PGK1: variants seen among roughly 807,000 people sequenced by gnomAD.
PGK1 encodes phosphoglycerate kinase 1, also known as PRP 2.
A neutral mutation model predicts 26.9 loss-of-function variants in PGK1; 3 were observed. The observed-to-expected ratio is 0.11, with a 90% confidence interval of 0.05 to 0.29. The LOEUF (loss-of-function observed/expected upper bound fraction) is 0.29. Among genes scored for constraint, PGK1 ranks in the 10% least tolerant of loss-of-function variants. PGK1 has a pLI of 1.00. For missense variants in PGK1, 270 were observed against 314.7 expected (o/e 0.86, Z 1.07); for synonymous variants, 125 against 115.3 (o/e 1.08, Z -0.54).
At position 78,104,384 on chromosome X, in the gene PGK1, A is replaced by G. The variant is rs2078257877; in HGVS notation, c.44A>G (p.Lys15Arg). ...CTGACGCTGGACAAGCTGGACGTTA[A>G]AGGGAAGCGGGTCGTTATGAGGTAA... ...NKLTLDKLDV[K>R]GKRVVMRVDF... is the part of the protein sequence containing the mutation. Residue 15 changes from lysine to arginine, a missense_variant, in exon 1 of 11, where the codon AAA becomes AGA. Lys to Arg is a conservative substitution (Grantham distance 26). This residue lies in a region of PGK1 where 150 missense variants were observed against 154.6 expected (regional missense o/e 0.97). Coordinates refer to ENST00000373316, the MANE Select transcript of PGK1 (RefSeq NM_000291.4). 4 of 1,204,731 alleles carry G rather than the reference A, an allele frequency of 3.3e-6. No homozygotes were observed. The highest frequency in any genetic ancestry group is 4.5e-6 in the Non-Finnish European group (4 of 888,991).
chrX:78,119,012 A>G (rs1423538650), intron 6 of PGK1, among the ~76,000 whole-genome samples: 1 of 111,690 alleles, frequency 9.0e-6, no homozygotes, highest in Non-Finnish European at 1.9e-5. Context: ...ATGGCTCTGC[A>G]GGGAAGAATG....
chrX:78,128,144 C>A lies in PGK1; in HGVS notation c.*2314C>A, dbSNP rs1487605452. 8.9e-6 allele frequency: 1 copy of A among 112,952 alleles called. No homozygotes were observed. Among genetic ancestry groups the A allele is most frequent in the Non-Finnish European group, 1.9e-5 (1 of 53,385 alleles). The allele number at this position is 112,952 out of a possible 1,213,427, so 9.3% of individuals were successfully genotyped here. On this transcript the variant is annotated 3_prime_UTR_variant, in exon 11 of 11. Transcript: ENST00000373316. ...AATTAGGCAAATATTTGAGTTCCTT[C>A]TATGTGCTTAAAGACGTGATAGAGG...
intron 6 of PGK1, among the ~76,000 whole-genome samples, chrX:78,119,793 C>A (rs1253396502): frequency 2.7e-5 from 3 of 111,863 alleles, no homozygotes; most frequent in African/African-American, 9.8e-5. Flanking sequence ...TCCAGCCATG[C>A]GGAACTGTGA....
chrX:78,104,326 A>C lies in PGK1; in HGVS notation c.-15A>C, dbSNP rs1557245923. 1.7e-6 allele frequency: 2 copies of C among 1,175,420 alleles called. No individual in the cohort carries two copies. Among genetic ancestry groups the C allele is most frequent in the South Asian group, 1.8e-5 (1 of 55,896 alleles). ...GACCGAATCACCGACCTCTCTCCCC[A>C]GCTGTATTTCCAAAATGTCGCTTTC... On this transcript the variant is annotated 5_prime_UTR_variant, in exon 1 of 11. Transcript: ENST00000373316.
At chrX:78,104,471 C>G in intron 1 of PGK1, 66 bp downstream of exon 1, 1 of 856,392 alleles carries the variant, frequency 1.2e-6, no homozygotes, top group Admixed American at 2.3e-5. Flanking sequence ...CCGGAGCCGA[C>G]TTGTTCTCTC....
intron 4 of PGK1, among the ~76,000 whole-genome samples, chrX:78,114,593 A>C (rs1353628364): frequency 3.6e-5 from 4 of 110,924 alleles, no homozygotes; most frequent in African/African-American, 6.6e-5. Flanking sequence ...AAAAAAAAAA[A>C]ACTTAAGTTT....
Position 78,118,175 on chromosome X carries a change from G to A in PGK1, c.641+5G>A, listed in dbSNP as rs1557247656. The A allele has an allele frequency of 8.3e-7, 1 of 1,210,759 alleles. No individual in the cohort carries two copies. Among genetic ancestry groups the A allele is most frequent in the South Asian group, 1.8e-5 (1 of 56,989 alleles). On this transcript the variant is annotated splice_donor_5th_base_variant and intron_variant, in intron 6 of 10. Transcript: ENST00000373316. ...CTTCCTGGCCATCCTGGGCGGGTATGAAGAACTCTTTAAGATCATGCTTTA... is the reference window on the plus strand; with the variant it reads ...CTTCCTGGCCATCCTGGGCGGGTATAAAGAACTCTTTAAGATCATGCTTTA...
chrX:78,123,413 A>G, intron 8 of PGK1, 39 bp downstream of exon 8: 1 of 1,034,427 alleles, frequency 9.7e-7, no homozygotes, highest in Non-Finnish European at 1.4e-6. Context: ...GAGTGAACAG[A>G]AACTCTGTGG....
intron 10 of PGK1, 63 bp from the exon 11 acceptor site, chrX:78,125,727 G>A (rs993015782): frequency 1.8e-5 from 17 of 951,834 alleles, no homozygotes; most frequent in South Asian, 3.9e-5. Flanking sequence ...TAAAGTGGGG[G>A]AAATCTGGCT....
chrX:78,106,210 T>C (rs1370019293), intron 1 of PGK1, among the ~76,000 whole-genome samples: 1 of 111,665 alleles, frequency 9.0e-6, no homozygotes, highest in East Asian at 2.8e-4. Context: ...TAGTCCTGTT[T>C]TGCTGATGGA....
At chrX:78,119,620 G>T (rs2078343851) in intron 6 of PGK1, among the ~76,000 whole-genome samples, 1 of 111,616 alleles carries the variant, frequency 9.0e-6, no homozygotes, top group Non-Finnish European at 1.9e-5. Context: ...CGTGTTGTGG[G>T]AGGGACCTGG....
At position 78,125,990 on chromosome X, in the gene PGK1, T is replaced by G. The variant is rs1442289213; in HGVS notation, c.*160T>G. On this transcript the variant is annotated 3_prime_UTR_variant, in exon 11 of 11. Transcript: ENST00000373316. Reference sequence around the variant, plus strand: ...TTAAACAGTTGCACAGCATCTCAGCTCATCTTCACTGCACCCTGGATTTGC... The same window carrying G: ...TTAAACAGTTGCACAGCATCTCAGCGCATCTTCACTGCACCCTGGATTTGC... 1 of 530,878 alleles carries G rather than the reference T, an allele frequency of 1.9e-6. No individual in the cohort carries two copies. Among genetic ancestry groups the G allele is most frequent in the Non-Finnish European group, 3.4e-6 (1 of 295,032 alleles). The allele number at this position is 530,878 out of a possible 1,213,427, so 43.8% of individuals were successfully genotyped here. A position where few individuals can be genotyped will look rare whatever the true frequency, so the allele number is the denominator to read the frequency against.
chrX:78,129,183 A>G lies in PGK1; in HGVS notation c.*3353A>G, dbSNP rs1557249037. ...GCCACTGCACTCCAGCCTGGGCAAC[A>G]GTGAGACTCTGCATAAAGAGCATAC... On this transcript the variant is annotated 3_prime_UTR_variant, in exon 11 of 11. Coordinates refer to ENST00000373316, the MANE Select transcript of PGK1 (RefSeq NM_000291.4). 4 of 111,261 alleles carry G rather than the reference A, an allele frequency of 3.6e-5. No individual in the cohort carries two copies. 9.2% of individuals were successfully genotyped at this position (111,261 alleles called of 1,213,427 possible).
chrX:78,106,771 C>T (rs906238456), intron 1 of PGK1: 33 of 210,088 alleles, frequency 1.6e-4, no homozygotes, highest in Non-Finnish European at 2.3e-4. Flanking sequence ...TTTGAATACA[C>T]TTCTGCTTAT....
In PGK1 at chrX:78,125,944, G is replaced by A. The variant is rs1407387280; in HGVS notation, c.*114G>A. 1 of 637,709 alleles carries A rather than the reference G, an allele frequency of 1.6e-6. No homozygotes were observed. Among genetic ancestry groups the A allele is most frequent in the African/African-American group, 2.2e-5 (1 of 46,402 alleles). 52.6% of individuals were successfully genotyped at this position (637,709 alleles called of 1,213,427 possible). A position where few individuals can be genotyped will look rare whatever the true frequency, so the allele number is the denominator to read the frequency against. On this transcript the variant is annotated 3_prime_UTR_variant, in exon 11 of 11. Transcript: ENST00000373316. ...ATGTCAAGATTCAGCTAGTGGCCAA[G>A]AGATGCAGTGCCAGGAACCCTTAAA...
chrX:78,107,991 T>C (rs2078280287), intron 1 of PGK1, among the ~76,000 whole-genome samples: 1 of 110,382 alleles, frequency 9.1e-6, no homozygotes, highest in African/African-American at 3.3e-5. Context: ...ATTGTGCATA[T>C]TTTATGTAAA....
chrX:78,115,138 G>A (rs1179770180), intron 4 of PGK1, among the ~76,000 whole-genome samples: 1 of 111,253 alleles, frequency 9.0e-6, no homozygotes, highest in Non-Finnish European at 1.9e-5. Flanking sequence ...GTCAAATGCT[G>A]ACCTAAAATT....
At chrX:78,116,232 C>G (rs782071010) in intron 4 of PGK1, among the ~76,000 whole-genome samples, 38 of 111,281 alleles carry the variant, frequency 3.4e-4, no homozygotes, top group Admixed American at 2.7e-3. Context: ...AGCAACTTCC[C>G]AAAGGTGACA....
In PGK1 at chrX:78,122,837, C is replaced by T; in HGVS notation, c.644C>T (p.Ala215Val). The part of the protein sequence containing the change: ...ERPFLAILGG[A>V]KVADKIQLIN... ...ATGATTCTTGCTTTCTCTTGTAGAG[C>T]TAAAGTTGCAGACAAGATCCAGCTC... is the stretch of plus-strand genomic sequence containing the variant. Residue 215 changes from alanine (A) to valine (V), a missense_variant and splice_region_variant, in exon 7 of 11, where the codon GCT (alanine) becomes GTT (valine). This residue lies in a region of PGK1 where 17 missense variants were observed against 45.5 expected (regional missense o/e 0.37). Transcript: ENST00000373316. 8.8e-7 allele frequency: 1 copy of T among 1,137,945 alleles called. No homozygotes were observed. The highest frequency in any genetic ancestry group is 1.8e-5 in the South Asian group (1 of 55,325). The allele number at this position is 1,137,945 out of a possible 1,213,427, so 93.8% of individuals were successfully genotyped here.
Sources: allele counts gnomAD v4.1 joint callset (sites outside exome capture counted in the v4.1 genomes callset), GRCh38; gene constraint gnomAD v4.1.1; regional missense constraint gnomAD v4.1.1; transcripts MANE v1.5; gene names NCBI Gene and HGNC (gene_info 2026-07-23, HGNC 2026-07-21).